ZNF704: variants seen among roughly 807,000 people sequenced by gnomAD.
ZNF704 encodes the protein glucocorticoid induced gene 1.
A neutral mutation model predicts 44.7 loss-of-function variants in ZNF704; 10 were observed. That is an observed-to-expected ratio of 0.22 (90% CI 0.14 to 0.38). The LOEUF (loss-of-function observed/expected upper bound fraction) is 0.38. ZNF704 is among the 10% of genes least tolerant of loss of function. ZNF704 has a pLI of 1.00. For synonymous variants in ZNF704, 211 were observed against 207.6 expected (o/e 1.02, Z -0.14); for missense variants, 390 against 545.5 (o/e 0.71, Z 2.84).
chr8:80,809,331 A>C (rs1256408676), intron 2 of ZNF704, among the ~76,000 whole-genome samples: 2 of 152,170 alleles, frequency 1.3e-5, no homozygotes, highest in Non-Finnish European at 2.9e-5. Context: ...CTGCAGACAA[A>C]AGCCACACTT....
In ZNF704 at chr8:80,872,408, G is replaced by A. The variant is rs146138202; in HGVS notation, c.-22+2163C>T. Among the ~76,000 whole-genome samples the A allele has an allele frequency of 1.9e-4, 29 of 152,296 alleles. No individual in the cohort carries two copies. The East Asian group carries it at 3.9e-3, about 20-fold the overall frequency. ...CGATGTTCAACATTTCTTTGGAAAT[G>A]CAACTTCAAGCTTTGAGGAGCTTTT... On this transcript the variant is annotated intron_variant, in intron 1 of 8. Transcript: ENST00000327835.
chr8:80,796,965 AAGGG>A lies in ZNF704; in HGVS notation c.221+24405_221+24408del, dbSNP rs535065228. On this transcript the variant is annotated intron_variant, in intron 2 of 8. Transcript: ENST00000327835. ...AAGAAGGGAGGGAGGGAGAGAAGGA[AAGGG>A]AGGGAGGGAGGGAGGGAGGGAGGAA... Among the ~76,000 whole-genome samples the A allele has an allele frequency of 5.0e-3, 544 of 108,714 alleles. 1 individual carries two copies. The highest frequency in any genetic ancestry group is 6.6e-3 in the Admixed American group (69 of 10,524). The allele number at this position is 108,714 out of a possible 152,430, so 71.3% of individuals were successfully genotyped here. A position where few individuals can be genotyped will look rare whatever the true frequency, so the allele number is the denominator to read the frequency against.
chr8:80,678,670 A>T (rs571918006), intron 4 of ZNF704, among the ~76,000 whole-genome samples: 7 of 152,244 alleles, frequency 4.6e-5, no homozygotes, highest in Non-Finnish European at 1.0e-4. Flanking sequence ...TGGTTAAATT[A>T]TGCCATATGA....
intron 1 of ZNF704, among the ~76,000 whole-genome samples, chr8:80,825,835 A>G (rs2129905059): frequency 6.6e-6 from 1 of 152,358 alleles, no homozygotes; most frequent in South Asian, 2.1e-4. Flanking sequence ...TACTGGGTAC[A>G]TCACGAAATG....
At chr8:80,822,748 G>A (rs1765259820) in intron 1 of ZNF704, among the ~76,000 whole-genome samples, 1 of 152,188 alleles carries the variant, frequency 6.6e-6, no homozygotes, top group Non-Finnish European at 1.5e-5. Flanking sequence ...TCTAACTGGT[G>A]TGAGATGGTA....
chr8:80,840,443 G>A lies in ZNF704; in HGVS notation c.-21-18828C>T, dbSNP rs910681418. ...GGAAGCCAAAAGATTGGACACCCCCGCTCTAAAGTATACAGAGGACAAAAT... is the reference window on the plus strand; with the variant it reads ...GGAAGCCAAAAGATTGGACACCCCCACTCTAAAGTATACAGAGGACAAAAT... On this transcript the variant is annotated intron_variant, in intron 1 of 8. Transcript: ENST00000327835. Among the ~76,000 whole-genome samples, 5 of 152,230 alleles carry A rather than the reference G, an allele frequency of 3.3e-5. No individual in the cohort carries two copies. The East Asian group carries it at 7.7e-4, about 23-fold the overall frequency.
intron 2 of ZNF704, among the ~76,000 whole-genome samples, chr8:80,702,685 G>T (rs185836428): frequency 1.3e-5 from 2 of 152,166 alleles, no homozygotes; most frequent in Admixed American, 6.5e-5. Context: ...AAGCGAAGGC[G>T]AGATGGAAGA....
intron 1 of ZNF704, among the ~76,000 whole-genome samples, chr8:80,840,439 C>T (rs933715402): frequency 5.9e-5 from 9 of 152,078 alleles, no homozygotes; most frequent in Non-Finnish European, 1.3e-4. Flanking sequence ...GATTGGACAC[C>T]CCCGCTCTAA....
intron 1 of ZNF704, among the ~76,000 whole-genome samples, chr8:80,869,046 A>G (rs1809204620): frequency 6.6e-6 from 1 of 152,200 alleles, no homozygotes; most frequent in Non-Finnish European, 1.5e-5. Flanking sequence ...GATGCCTAAC[A>G]GCTTTTTATC....
rs927375519 is a variant in ZNF704 at position 80,874,161 on chromosome 8, A to G, written c.-22+410T>C. Among the ~76,000 whole-genome samples, 1 of 146,094 alleles carries G rather than the reference A, an allele frequency of 6.8e-6. No homozygotes were observed. Among genetic ancestry groups the G allele is most frequent in the African/African-American group, 2.5e-5 (1 of 40,652 alleles). Reference sequence around the variant, plus strand: ...GGGACTCGCGGCCGCAAGGGGCTGCAGGAGCCGCCGGCCAGGACCCGCGGC... The same window carrying G: ...GGGACTCGCGGCCGCAAGGGGCTGCGGGAGCCGCCGGCCAGGACCCGCGGC... On this transcript the variant is annotated intron_variant, in intron 1 of 8. Coordinates refer to ENST00000327835, the MANE Select transcript of ZNF704 (RefSeq NM_001033723.3). The surrounding 1 kb of genome is among the most constrained non-coding windows in gnomAD (Gnocchi z 4.4).
chr8:80,782,148 T>C (rs1324651421), intron 2 of ZNF704, among the ~76,000 whole-genome samples: 1 of 152,290 alleles, frequency 6.6e-6, no homozygotes, highest in East Asian at 1.9e-4. Context: ...TTAGCGCAGC[T>C]GGGATATATT....
At chr8:80,696,193 A>C (rs1818721741) in intron 2 of ZNF704, among the ~76,000 whole-genome samples, 1 of 152,234 alleles carries the variant, frequency 6.6e-6, no homozygotes, top group Admixed American at 6.5e-5. Flanking sequence ...ATTGATAAAA[A>C]ACAAACCACT....
intron 2 of ZNF704, among the ~76,000 whole-genome samples, chr8:80,734,602 T>C (rs1207008289): frequency 6.6e-6 from 1 of 152,230 alleles, no homozygotes; most frequent in Admixed American, 6.5e-5. Context: ...AGTATATGTA[T>C]ATTTGCAGAT....
At chr8:80,765,449 C>T (rs1389351838) in intron 2 of ZNF704, among the ~76,000 whole-genome samples, 1 of 152,116 alleles carries the variant, frequency 6.6e-6, no homozygotes, top group Admixed American at 6.6e-5. Flanking sequence ...TCCACAAGTC[C>T]ACTCCTTGTC....
chr8:80,665,809 CTATTTTATTT>C (rs910732784), intron 5 of ZNF704, among the ~76,000 whole-genome samples: 2 of 151,334 alleles, frequency 1.3e-5, no homozygotes, highest in Non-Finnish European at 2.9e-5. Context: ...AATGCGGGCA[CTATTTTATTT>C]TATTTTATTT....
intron 2 of ZNF704, among the ~76,000 whole-genome samples, chr8:80,761,884 G>C (rs1807137590): frequency 1.3e-5 from 2 of 152,186 alleles, no homozygotes; most frequent in Non-Finnish European, 2.9e-5. Flanking sequence ...TACCTTGATA[G>C]ATAACCTAAG....
chr8:80,779,027 G>C (rs191515301), intron 2 of ZNF704, among the ~76,000 whole-genome samples: 1 of 151,660 alleles, frequency 6.6e-6, no homozygotes, highest in Non-Finnish European at 1.5e-5. Flanking sequence ...AAAAAAAAGG[G>C]ATCACCCATT....
chr8:80,715,687 C>T (rs907768719), intron 2 of ZNF704, among the ~76,000 whole-genome samples: 2 of 152,192 alleles, frequency 1.3e-5, no homozygotes, highest in Non-Finnish European at 2.9e-5. Context: ...TGCTCAGCTT[C>T]AACCCAGACT....
At chr8:80,875,489 A>C (rs1371526384), upstream of ZNF704, among the ~76,000 whole-genome samples, 1 of 152,096 alleles carries the variant, frequency 6.6e-6, no homozygotes, top group South Asian at 2.1e-4. Flanking sequence ...TTTTTCGTAG[A>C]GACAGGGTTT....
Sources: allele counts gnomAD v4.1 joint callset (sites outside exome capture counted in the v4.1 genomes callset), GRCh38; gene constraint gnomAD v4.1.1; non-coding constraint Gnocchi (gnomAD v3.1); transcripts MANE v1.5; gene names NCBI Gene and HGNC (gene_info 2026-07-23, HGNC 2026-07-21).